Variants in CFAP44 observed in about 807,000 individuals in gnomAD.
The protein encoded by CFAP44 is cilia- and flagella-associated protein 44.
In CFAP44, 134 loss-of-function variants were observed where a neutral mutation model predicts 216.2. That is an observed-to-expected ratio of 0.62 (90% confidence interval 0.54 to 0.72). CFAP44 has a LOEUF of 0.72. Among genes scored for constraint, CFAP44 ranks in the 30% least tolerant of loss-of-function variants. The probability of loss-of-function intolerance (pLI) is 0.00; values close to 1 mark genes in which losing one functional copy is unlikely to be tolerated. For synonymous variants in CFAP44, 700 were observed against 727.6 expected, an observed-to-expected ratio of 0.96 and a Z score of 0.61; for missense variants, 2,035 against 2,182.1, an observed-to-expected ratio of 0.93 and a Z score of 1.34.
intron 12 of CFAP44, 80 bp downstream of exon 12, chr3:113,400,465 A>T: frequency 8.0e-7 from 1 of 1,248,086 alleles, no homozygotes. Context: ...AAATGCTCTT[A>T]AGTCAAACAC....
intron 22 of CFAP44, among the ~76,000 whole-genome samples, chr3:113,347,785 C>T (rs183642117): frequency 9.3e-4 from 141 of 152,324 alleles, no homozygotes; most frequent in African/African-American, 3.4e-3. Context: ...TTCCCTCCCT[C>T]AGGGTATGGT....
chr3:113,420,397 CAAAT>C (rs1934781938), intron 4 of CFAP44, among the ~76,000 whole-genome samples: 1 of 152,016 alleles, frequency 6.6e-6, no homozygotes, highest in Admixed American at 6.5e-5. Context: ...AAACAATAAA[CAAAT>C]AAATAAATAA....
At chr3:113,347,918 C>T (rs368767874) in intron 22 of CFAP44, among the ~76,000 whole-genome samples, 24 of 152,218 alleles carry the variant, frequency 1.6e-4, no homozygotes, top group East Asian at 9.7e-4. Flanking sequence ...CCACTAAATC[C>T]GATTTTTCTC....
intron 2 of CFAP44, among the ~76,000 whole-genome samples, chr3:113,429,604 TTAAC>T (rs1935050889): frequency 1.3e-5 from 2 of 152,168 alleles, no homozygotes; most frequent in Admixed American, 6.6e-5. Flanking sequence ...TAATGTTCAG[TTAAC>T]TAATAATTAA....
intron 34 of CFAP44, among the ~76,000 whole-genome samples, chr3:113,293,019 C>T (rs1294504590): frequency 6.6e-6 from 1 of 152,190 alleles, no homozygotes. Context: ...CATGGTCCTA[C>T]AAAACCAAAG....
At chr3:113,402,843 T>C (rs578088013) in intron 9 of CFAP44, among the ~76,000 whole-genome samples, 1 of 152,334 alleles carries the variant, frequency 6.6e-6, no homozygotes, top group African/African-American at 2.4e-5. Context: ...ACTTGGTATT[T>C]AGACATTTTG....
rs79686875 is a variant in CFAP44, at chr3:113,373,287, C to G, written c.2444+124G>C. On this transcript the variant is annotated intron_variant, in intron 18 of 34. Transcript: ENST00000393845. ...TATTTATTCATTTGATTTATTTAAC[C>G]AAATATTTTTTGAGTACCCCTTCAT... is the stretch of plus-strand genomic sequence containing the variant. The G allele has an allele frequency of 8.5e-4, 809 of 949,512 alleles. 1 individual carries two copies. The highest frequency in any genetic ancestry group is 1.1e-3 in the Non-Finnish European group (748 of 698,456). The allele number at this position is 949,512 out of a possible 1,614,324, so 58.8% of individuals were successfully genotyped here.
At chr3:113,423,196 G>A (rs1934867203) in intron 4 of CFAP44, among the ~76,000 whole-genome samples, 1 of 145,718 alleles carries the variant, frequency 6.9e-6, no homozygotes, top group South Asian at 2.2e-4. Context: ...CTCCCTGCAG[G>A]CTCAACTTCC....
Position 113,326,525 on chromosome 3 carries a change from T to C in CFAP44, c.4436A>G (p.Asn1479Ser), listed in dbSNP as rs1291945111. Residue 1479 changes from asparagine (N) to serine (S), a missense_variant, in exon 28 of 35, where the codon AAT becomes AGT. Asn to Ser is a conservative substitution (Grantham distance 46). This residue lies in a region of CFAP44 where 1,883 missense variants were observed against 2,023.7 expected (regional missense o/e 0.93). Coordinates refer to ENST00000393845, the MANE Select transcript of CFAP44 (RefSeq NM_001164496.2). The part of the protein sequence containing the change: ...AGFQAAIGEN[N>S]KFANFLMKVL... Reference sequence around the variant, plus strand: ...CTTCATGAGGAAGTTTGCAAATTTATTGTTTTCTCCAATGGCTGCTTGAAA... The same window carrying C: ...CTTCATGAGGAAGTTTGCAAATTTACTGTTTTCTCCAATGGCTGCTTGAAA... 2.0e-6 allele frequency: 3 copies of C among 1,532,494 alleles called. No individual in the cohort carries two copies. Among genetic ancestry groups the C allele is most frequent in the Admixed American group, 2.0e-5 (1 of 50,266 alleles). The allele number at this position is 1,532,494 out of a possible 1,614,324, so 94.9% of individuals were successfully genotyped here.
chr3:113,431,605 G>A (rs1307036927), intron 2 of CFAP44, among the ~76,000 whole-genome samples: 5 of 152,168 alleles, frequency 3.3e-5, no homozygotes, highest in African/African-American at 1.2e-4. Context: ...TGGTGGTGTG[G>A]AGGGAGATCT....
At chr3:113,415,427 C>T (rs997858027) in intron 6 of CFAP44, among the ~76,000 whole-genome samples, 39 of 151,966 alleles carry the variant, frequency 2.6e-4, no homozygotes, top group African/African-American at 9.2e-4. Flanking sequence ...TTTGCTCTTG[C>T]CTCTCTAGTT....
intron 1 of CFAP44, among the ~76,000 whole-genome samples, chr3:113,440,996 A>C (rs989332373): frequency 6.6e-6 from 1 of 152,194 alleles, no homozygotes; most frequent in African/African-American, 2.4e-5. Flanking sequence ...TAAGCACTTT[A>C]CTTGTATTAT....
At chr3:113,436,151 G>A (rs1198021840) in intron 1 of CFAP44, among the ~76,000 whole-genome samples, 1 of 152,162 alleles carries the variant, frequency 6.6e-6, no homozygotes, top group Non-Finnish European at 1.5e-5. Flanking sequence ...AGTCTAGTGT[G>A]TTGGCCAGGG....
intron 3 of CFAP44, 177 bp downstream of exon 3, chr3:113,427,010 A>G: frequency 1.6e-6 from 1 of 621,816 alleles, no homozygotes; most frequent in South Asian, 2.2e-5. Context: ...AGAAATAAAA[A>G]CCACAAGTCT....
chr3:113,366,593 T>A (rs1017339497), intron 18 of CFAP44, among the ~76,000 whole-genome samples: 4 of 152,124 alleles, frequency 2.6e-5, no homozygotes, highest in African/African-American at 9.7e-5. Context: ...GGGGGTCACT[T>A]CCAAGATGGC....
intron 34 of CFAP44, among the ~76,000 whole-genome samples, chr3:113,292,936 T>C (rs926508384): frequency 2.6e-5 from 4 of 152,164 alleles, no homozygotes; most frequent in African/African-American, 9.7e-5. Context: ...ATGTGAAACA[T>C]GGGAGCTGAA....
intron 34 of CFAP44, among the ~76,000 whole-genome samples, chr3:113,292,518 A>AC (rs1949840297): frequency 6.6e-6 from 1 of 152,228 alleles, no homozygotes; most frequent in South Asian, 2.1e-4. Context: ...GGAAAGACAT[A>AC]ATACTTGCGT....
intron 1 of CFAP44, among the ~76,000 whole-genome samples, chr3:113,440,057 T>C (rs1287191666): frequency 2.0e-5 from 3 of 152,152 alleles, no homozygotes; most frequent in Non-Finnish European, 4.4e-5. Context: ...GTACCATTAT[T>C]ATTTTATTTA....
At chr3:113,346,927 G>C (rs1950390306) in intron 22 of CFAP44, among the ~76,000 whole-genome samples, 1 of 152,120 alleles carries the variant, frequency 6.6e-6, no homozygotes, top group East Asian at 1.9e-4. Flanking sequence ...CCACCTTTAT[G>C]AGCTATAACA....
Sources: allele counts gnomAD v4.1 joint callset (sites outside exome capture counted in the v4.1 genomes callset), GRCh38; gene constraint gnomAD v4.1.1; regional missense constraint gnomAD v4.1.1; transcripts MANE v1.5; gene names NCBI Gene and HGNC (gene_info 2026-07-23, HGNC 2026-07-21).